The following WNK4 variants were observed in gnomAD, a reference collection of about 807,000 sequenced individuals.
WNK4 encodes serine/threonine-protein kinase WNK4.
Under a neutral mutation model 116.2 loss-of-function variants are expected in WNK4, and 94 were observed. That is an observed-to-expected ratio of 0.81 (90% confidence interval 0.68 to 0.96). The LOEUF (loss-of-function observed/expected upper bound fraction) is 0.96. Ranked by LOEUF, WNK4 falls within the 40% of genes least tolerant of loss-of-function variation. WNK4 has a pLI of 0.00. For missense variants in WNK4, 1,542 were observed against 1,650.6 expected, an observed-to-expected ratio of 0.93 and a Z score of 1.14; for synonymous variants, 655 against 672.7, an observed-to-expected ratio of 0.97 and a Z score of 0.41.
chr17:42,793,296 C>T (rs556903353), intron 11 of WNK4, among the ~76,000 whole-genome samples: 3 of 152,068 alleles, frequency 2.0e-5, no homozygotes, highest in South Asian at 2.1e-4. Context: ...TTGGCTCCAC[C>T]GTTTCCCAGG....
intron 8 of WNK4, 96 bp from the exon 9 acceptor site, chr17:42,788,034 C>G (rs1400444988): frequency 6.3e-7 from 1 of 1,584,212 alleles, no homozygotes; most frequent in East Asian, 2.2e-5. Flanking sequence ...TTCCCTAATT[C>G]CATCTCCCTA....
chr17:42,788,493 A>G lies in WNK4; in HGVS notation c.2040+86A>G, dbSNP rs2054576496. On this transcript the variant is annotated intron_variant, in intron 10 of 18. Coordinates refer to ENST00000246914, the MANE Select transcript of WNK4 (RefSeq NM_032387.5). ...GGAGGCGGGGGAGGTCACCCAGAAA[A>G]CGGGAGAAGCAGTGTATGACTAGTA... is the stretch of plus-strand genomic sequence containing the variant. 3 of 1,403,830 alleles carry G rather than the reference A, an allele frequency of 2.1e-6. No individual in the cohort carries two copies. In the South Asian group the frequency reaches 3.5e-5, roughly 16 times the overall value. The allele number at this position is 1,403,830 out of a possible 1,614,324, so 87.0% of individuals were successfully genotyped here. A position where few individuals can be genotyped will look rare whatever the true frequency, so the allele number is the denominator to read the frequency against.
intron 11 of WNK4, among the ~76,000 whole-genome samples, chr17:42,790,472 G>T (rs1231355326): frequency 1.3e-5 from 2 of 152,156 alleles, no homozygotes; most frequent in African/African-American, 4.8e-5. Context: ...CATAGCCATG[G>T]ATATGGGTCA....
At position 42,787,305 on chromosome 17, in the gene WNK4, G is replaced by A. The variant is rs759521316; in HGVS notation, c.1504G>A (p.Asp502Asn). The part of the protein sequence containing the change: ...MVALGLVCEA[D>N]YQPVARAVRE... ...GGCTCTGGGCTTGGTCTGTGAAGCC[G>A]ATTACCAGCCAGTGGCCCGTGCAGT... Residue 502 changes from aspartate to asparagine, a missense_variant, in exon 7 of 19, where the codon GAT (aspartate) becomes AAT (asparagine). Coordinates refer to ENST00000246914, the MANE Select transcript of WNK4 (RefSeq NM_032387.5). 7 of 1,613,954 alleles carry A rather than the reference G, an allele frequency of 4.3e-6. No individual in the cohort carries two copies. The highest frequency in any genetic ancestry group is 1.3e-5 in the African/African-American group (1 of 74,904).
At chr17:42,792,920 G>C (rs111974962) in intron 11 of WNK4, among the ~76,000 whole-genome samples, 1 of 152,216 alleles carries the variant, frequency 6.6e-6, no homozygotes, top group African/African-American at 2.4e-5. Flanking sequence ...CTCAGGCTCT[G>C]GCTTTAGGTA....
At position 42,796,215 on chromosome 17, in the gene WNK4, T is replaced by TTG. The variant is rs2054669613; in HGVS notation, c.3527_3528dup (p.Ala1177TrpfsTer43). ...CTGGGGAAGCAGCCCCCACCGGGTATTGTGGCCCCAGCTGCTATGCTGTCC... is the reference window on the plus strand; with the variant it reads ...CTGGGGAAGCAGCCCCCACCGGGTATTGTGTGGCCCCAGCTGCTATGCTGTCC... On this transcript the variant is annotated frameshift_variant, in exon 17 of 19. Coordinates refer to ENST00000246914, the MANE Select transcript of WNK4 (RefSeq NM_032387.5). LOFTEE classifies it high-confidence loss of function. The TTG allele has an allele frequency of 6.2e-7, 1 of 1,613,898 alleles. No homozygotes were observed.
Position 42,796,110 on chromosome 17 carries a change from C to T in WNK4, c.3432-13C>T, listed in dbSNP as rs770724727. ...GTGTGGCTAGCCCTTTCATGCCCTC[C>T]GTGCATCCTCAGGCACTTGTCAGAG... On this transcript the variant is annotated splice_polypyrimidine_tract_variant and intron_variant, in intron 16 of 18. Coordinates refer to ENST00000246914, the MANE Select transcript of WNK4 (RefSeq NM_032387.5). 84 of 1,613,952 alleles carry T rather than the reference C, an allele frequency of 5.2e-5. No individual in the cohort carries two copies. The Admixed American group carries it at 7.7e-4, about 15-fold the overall frequency.
At chr17:42,789,546 C>G (rs2054587229) in intron 11 of WNK4, among the ~76,000 whole-genome samples, 1 of 151,974 alleles carries the variant, frequency 6.6e-6, no homozygotes, top group African/African-American at 2.4e-5. Context: ...TGCCTGTAGT[C>G]CCAGCTACTT....
rs781453781 is a variant in WNK4 at position 42,780,949 on chromosome 17, C to T, written c.251C>T (p.Pro84Leu). 1 of 1,610,360 alleles carries T rather than the reference C, an allele frequency of 6.2e-7. No homozygotes were observed. Among genetic ancestry groups the T allele is most frequent in the South Asian group, 1.1e-5 (1 of 91,070 alleles). ...SLPASPAPDP[P>L]DPPDSAGPGP... ...CCAGCCTCACCCGCTCCGGACCCCC[C>T]CGATCCTCCGGACTCCGCTGGTCCT... The change falls in exon 1 of 19, where the codon CCC becomes CTC. Residue 84 changes from proline to leucine, a missense_variant. Physicochemically the swap from Pro to Leu is moderately conservative, Grantham distance 98. Coordinates refer to ENST00000246914, the MANE Select transcript of WNK4 (RefSeq NM_032387.5).
rs747196064 is a variant in WNK4 at position 42,796,525 on chromosome 17, C to A, written c.3676C>A (p.Gln1226Lys). 5.6e-6 allele frequency: 9 copies of A among 1,614,048 alleles called. No individual in the cohort carries two copies. The highest frequency in any genetic ancestry group is 6.8e-6 in the Non-Finnish European group (8 of 1,179,908). Residue 1226 changes from glutamine to lysine, a missense_variant, in exon 18 of 19, where the codon CAG (glutamine) becomes AAG (lysine). By Grantham distance (53) the Gln-to-Lys change is moderately conservative (BLOSUM62 1). Transcript: ENST00000246914. ...NSLSGSSTGS[Q>K]EQRASKGVTF... ...TCTGAGTGGCAGCAGCACCGGCTCC[C>A]AGGAGCAGCGGGCAAGCAAGGGGGT... is the stretch of plus-strand genomic sequence containing the variant.
In WNK4 at chr17:42,787,922, G is replaced by A. The variant is rs777039152; in HGVS notation, c.1863+23G>A. Reference sequence around the variant, plus strand: ...TCGGTGAGAGGGGGTCGCATGGGGGGCTCCCAGCCATTCCAAGCCTATGAC... The same window carrying A: ...TCGGTGAGAGGGGGTCGCATGGGGGACTCCCAGCCATTCCAAGCCTATGAC... On this transcript the variant is annotated intron_variant, in intron 8 of 18. Coordinates refer to ENST00000246914, the MANE Select transcript of WNK4 (RefSeq NM_032387.5). 17 of 1,607,718 alleles carry A rather than the reference G, an allele frequency of 1.1e-5. 1 individual carries two copies. In the East Asian group the frequency reaches 1.8e-4, roughly 17 times the overall value.
Position 42,787,987 on chromosome 17 carries a change from C to A in WNK4, c.1863+88C>A, listed in dbSNP as rs1339913680. The A allele has an allele frequency of 2.5e-6, 4 of 1,595,468 alleles. No homozygotes were observed. The East Asian group carries it at 8.9e-5, about 36-fold the overall frequency. ...GTGAAACCCAATCTCATGATCCAGT[C>A]CCATGTCCCTGGAAATCCACCATTC... On this transcript the variant is annotated intron_variant, in intron 8 of 18. Transcript: ENST00000246914.
At position 42,787,759 on chromosome 17, in the gene WNK4, C is replaced by T. The variant is rs181462443; in HGVS notation, c.1742-19C>T. On this transcript the variant is annotated intron_variant, in intron 7 of 18. Coordinates refer to ENST00000246914, the MANE Select transcript of WNK4 (RefSeq NM_032387.5). ...CCCTTTTATTTCCCCTTTTTTTGATCCTCTCCCTCCCCAACCAGCGGATTG... is the reference window on the plus strand; with the variant it reads ...CCCTTTTATTTCCCCTTTTTTTGATTCTCTCCCTCCCCAACCAGCGGATTG... 407 of 1,610,146 alleles carry T rather than the reference C, an allele frequency of 2.5e-4. 1 individual carries two copies. Among genetic ancestry groups the T allele is most frequent in the Non-Finnish European group, 7.3e-5 (86 of 1,179,920 alleles).
At position 42,793,734 on chromosome 17, in the gene WNK4, G is replaced by T; in HGVS notation, c.2295+5G>T. On this transcript the variant is annotated splice_donor_5th_base_variant and intron_variant, in intron 12 of 18. Transcript: ENST00000246914. The stretch of plus-strand genomic sequence containing the variant: ...GAAGACACCCTAAGCCCCCAGGTCA[G>T]ACCCCTTGGTGGACACTTCCAGGGG... 6.2e-7 allele frequency: 1 copy of T among 1,614,000 alleles called. No individual in the cohort carries two copies. The highest frequency in any genetic ancestry group is 8.5e-7 in the Non-Finnish European group (1 of 1,179,892).
At position 42,795,186 on chromosome 17, in the gene WNK4, C is replaced by T. The variant is rs201592842; in HGVS notation, c.2765C>T (p.Pro922Leu). 2.4e-5 allele frequency: 39 copies of T among 1,614,104 alleles called. No individual in the cohort carries two copies. The East Asian group carries it at 8.5e-4, about 35-fold the overall frequency. The change falls in exon 14 of 19, where the codon CCT becomes CTT. Residue 922 changes from proline to leucine, a missense_variant. Physicochemically the swap from Pro to Leu is moderately conservative, Grantham distance 98. Coordinates refer to ENST00000246914, the MANE Select transcript of WNK4 (RefSeq NM_032387.5). ...TCCTTCCCCTCCACCACAGCAGCCC[C>T]TCTCCTTTCTCTGGCTAGTGCCTTC... ...TSSFPSTTAA[P>L]LLSLASAFSL...
rs762530758 is a variant in WNK4, at chr17:42,780,959, G to A, written c.261G>A (p.Pro87=). The change falls in exon 1 of 19, where the codon CCG becomes CCA. Residue 87 remains proline (P), a synonymous_variant. Coordinates refer to ENST00000246914, the MANE Select transcript of WNK4 (RefSeq NM_032387.5). The part of the protein sequence containing the change: ...ASPAPDPPDP[P]DSAGPGPARS... ...CCGCTCCGGACCCCCCCGATCCTCCGGACTCCGCTGGTCCTGGCCCCGCGA... is the reference window on the plus strand; with the variant it reads ...CCGCTCCGGACCCCCCCGATCCTCCAGACTCCGCTGGTCCTGGCCCCGCGA... 2 of 1,610,386 alleles carry A rather than the reference G, an allele frequency of 1.2e-6. No homozygotes were observed. The highest frequency in any genetic ancestry group is 1.7e-6 in the Non-Finnish European group (2 of 1,179,704).
In WNK4 at chr17:42,784,379, G is replaced by A. The variant is rs376668824; in HGVS notation, c.1013-43G>A. On this transcript the variant is annotated intron_variant, in intron 3 of 18. Transcript: ENST00000246914. This position sits in a 1 kb window ranked among gnomAD's most constrained non-coding sequence, Gnocchi z 4.4. ...TGCCTAGCCCAGTGGGAAGGACGAG[G>A]CCAGAGTGCCCAGCAATCTGATCCC... 4 of 1,604,742 alleles carry A rather than the reference G, an allele frequency of 2.5e-6. No homozygotes were observed. In the African/African-American group the frequency reaches 4.0e-5, roughly 16 times the overall value.
At chr17:42,788,269 T>A in intron 9 of WNK4, 21 bp from the exon 10 acceptor site, 1 of 1,613,934 alleles carries the variant, frequency 6.2e-7, no homozygotes, top group Non-Finnish European at 8.5e-7. Context: ...ACAGTCATTC[T>A]CTCTCCTTTC....
rs61755617 is a variant in WNK4 at position 42,794,430 on chromosome 17, G to A, written c.2296-184G>A. Reference sequence around the variant, plus strand: ...ATATATTTTTCGGAACCACTTAAGAGTAAGTTGCAGACATCATGCCCTTTT... The same window carrying A: ...ATATATTTTTCGGAACCACTTAAGAATAAGTTGCAGACATCATGCCCTTTT... On this transcript the variant is annotated intron_variant, in intron 12 of 18. Coordinates refer to ENST00000246914, the MANE Select transcript of WNK4 (RefSeq NM_032387.5). 2.6e-4 allele frequency: 167 copies of A among 654,314 alleles called. No homozygotes were observed. In the African/African-American group the frequency reaches 2.9e-3, roughly 11 times the overall value. 40.5% of individuals were successfully genotyped at this position (654,314 alleles called of 1,614,324 possible).
Sources: allele counts gnomAD v4.1 joint callset (sites outside exome capture counted in the v4.1 genomes callset), GRCh38; gene constraint gnomAD v4.1.1; non-coding constraint Gnocchi (gnomAD v3.1); transcripts MANE v1.5; gene names NCBI Gene and HGNC (gene_info 2026-07-23, HGNC 2026-07-21).